Variants in IL1RAPL1 observed in about 807,000 individuals in gnomAD.
The protein encoded by IL1RAPL1 is interleukin-1 receptor accessory protein-like 1.
Under a neutral mutation model 48.4 loss-of-function variants are expected in IL1RAPL1, and 3 were observed. That is an observed-to-expected ratio of 0.06 (90% confidence interval 0.03 to 0.16). IL1RAPL1 has a LOEUF of 0.16. Ranked by LOEUF, IL1RAPL1 falls within the 10% of genes least tolerant of loss-of-function variation. IL1RAPL1 has a pLI of 1.00. For synonymous variants in IL1RAPL1, 185 were observed against 187.7 expected (o/e 0.99, Z 0.12); for missense variants, 349 against 530.6 (o/e 0.66, Z 3.36).
At chrX:29,382,772 T>C (rs1017000177) in intron 3 of IL1RAPL1, among the ~76,000 whole-genome samples, 1 of 111,718 alleles carries the variant, frequency 9.0e-6, no homozygotes, top group African/African-American at 3.3e-5. Flanking sequence ...CTGCAGCTCT[T>C]TCAGGCAATA....
intron 6 of IL1RAPL1, among the ~76,000 whole-genome samples, chrX:29,685,847 T>G (rs1487665232): frequency 6.4e-5 from 6 of 93,750 alleles, no homozygotes; most frequent in African/African-American, 3.3e-4. Context: ...TAGTCAGGCA[T>G]GGTGGTGGGT....
chrX:29,001,575 C>T (rs760437969), intron 2 of IL1RAPL1, among the ~76,000 whole-genome samples: 4 of 112,168 alleles, frequency 3.6e-5, no homozygotes, highest in Non-Finnish European at 5.6e-5. Context: ...CTGGTAGATA[C>T]ATTCATTTTT....
At chrX:29,360,024 G>C (rs1933355732) in intron 3 of IL1RAPL1, among the ~76,000 whole-genome samples, 1 of 111,557 alleles carries the variant, frequency 9.0e-6, no homozygotes, top group Non-Finnish European at 1.9e-5. Context: ...ATATATGAGG[G>C]GGTGGGGAGC....
chrX:28,791,844 G>A (rs1395115093), intron 2 of IL1RAPL1, among the ~76,000 whole-genome samples: 1 of 111,572 alleles, frequency 9.0e-6, no homozygotes, highest in African/African-American at 3.3e-5. Flanking sequence ...TTCAGCTGAT[G>A]TCTGTTCCTG....
chrX:29,217,378 G>A (rs1374903811), intron 2 of IL1RAPL1, among the ~76,000 whole-genome samples: 2 of 112,433 alleles, frequency 1.8e-5, no homozygotes, highest in African/African-American at 6.5e-5. Flanking sequence ...GCCAGGTAGT[G>A]TGTTCCATGC....
At chrX:29,574,750 C>T (rs1386711813) in intron 5 of IL1RAPL1, among the ~76,000 whole-genome samples, 1 of 111,660 alleles carries the variant, frequency 9.0e-6, no homozygotes, top group African/African-American at 3.3e-5. Context: ...GTTCCAGTTT[C>T]AGATCATCCC....
intron 1 of IL1RAPL1, among the ~76,000 whole-genome samples, chrX:28,772,972 A>T (rs981679448): frequency 5.4e-5 from 6 of 111,869 alleles, no homozygotes; most frequent in African/African-American, 2.0e-4. Context: ...TTAATTAAAT[A>T]AATCATATTA....
chrX:29,853,467 C>G (rs150659885), intron 6 of IL1RAPL1, among the ~76,000 whole-genome samples: 3,240 of 111,208 alleles, frequency 0.029, 117 homozygotes, highest in African/African-American at 0.099. Flanking sequence ...CATAAAAAAA[C>G]AAAATCTAAG....
rs570835255 is a variant in IL1RAPL1, at chrX:29,697,682, T to G, written c.778+29178T>G. Among the ~76,000 whole-genome samples the G allele has an allele frequency of 3.7e-4, 42 of 112,640 alleles. 1 individual carries two copies. In the South Asian group the frequency reaches 0.015, roughly 40 times the overall value. On this transcript the variant is annotated intron_variant, in intron 6 of 10. Coordinates refer to ENST00000378993, the MANE Select transcript of IL1RAPL1 (RefSeq NM_014271.4). ...TCCTTACAGTTATCAAGTCTGGAAC[T>G]GGTGGAGCAGTATGCATCTCTGACC... is the stretch of plus-strand genomic sequence containing the variant.
chrX:29,090,283 C>T lies in IL1RAPL1; in HGVS notation c.83-192655C>T, dbSNP rs192553132. Among the ~76,000 whole-genome samples, 763 of 111,648 alleles carry T rather than the reference C, an allele frequency of 6.8e-3. 4 individuals carry two copies. Among genetic ancestry groups the T allele is most frequent in the South Asian group, 0.016 (43 of 2,690 alleles). ...CAGATATGTTTTTAAATTTTCCGTA[C>T]GTTTCCTTTTATTTGCCTACTCCCC... On this transcript the variant is annotated intron_variant, in intron 2 of 10. Transcript: ENST00000378993.
chrX:29,228,838 C>T (rs753991501), intron 2 of IL1RAPL1, among the ~76,000 whole-genome samples: 105 of 111,670 alleles, frequency 9.4e-4, no homozygotes, highest in Middle Eastern at 4.7e-3. Context: ...CACTATCATC[C>T]GTATTCCCTA....
chrX:28,737,190 TC>T (rs1404346851), intron 1 of IL1RAPL1, among the ~76,000 whole-genome samples: 1 of 91,690 alleles, frequency 1.1e-5, no homozygotes, highest in East Asian at 3.6e-4. Context: ...TTCTTTCCTT[TC>T]TCTTTCTTTC....
chrX:29,216,952 G>A (rs888623365), intron 2 of IL1RAPL1, among the ~76,000 whole-genome samples: 1 of 111,631 alleles, frequency 9.0e-6, no homozygotes, highest in African/African-American at 3.3e-5. Context: ...ACAGGGCCAA[G>A]GTCTCACCAT....
intron 6 of IL1RAPL1, among the ~76,000 whole-genome samples, chrX:29,796,915 T>G (rs1011355120): frequency 1.8e-5 from 2 of 112,387 alleles, no homozygotes; most frequent in Admixed American, 9.4e-5. Flanking sequence ...AGCTTTGCAC[T>G]CACTGTTGCC....
chrX:29,450,102 A>G, intron 5 of IL1RAPL1, among the ~76,000 whole-genome samples: 2 of 112,044 alleles, frequency 1.8e-5, no homozygotes, highest in Admixed American at 1.9e-4. Flanking sequence ...GGAAAGGAAA[A>G]TTTCAAATGT....
At chrX:29,605,110 ACACACACACACAC>A (rs1923848763) in intron 5 of IL1RAPL1, among the ~76,000 whole-genome samples, 1 of 102,414 alleles carries the variant, frequency 9.8e-6, no homozygotes, top group Admixed American at 1.1e-4. Context: ...ACACACACAC[ACACACACACACAC>A]ACACGGAGGG....
intron 2 of IL1RAPL1, among the ~76,000 whole-genome samples, chrX:29,259,659 A>G (rs980842211): frequency 9.0e-6 from 1 of 111,074 alleles, no homozygotes; most frequent in African/African-American, 3.3e-5. Context: ...TTGTATTACT[A>G]CTAGAAATTC....
intron 2 of IL1RAPL1, among the ~76,000 whole-genome samples, chrX:29,259,254 A>C (rs2147581707): frequency 8.9e-6 from 1 of 111,981 alleles, no homozygotes. Context: ...TTTTAAAATT[A>C]TTTTTACTTT....
In IL1RAPL1 at chrX:28,654,730, G is replaced by A. The variant is rs1934731039; in HGVS notation, c.-25+66683G>A. Among the ~76,000 whole-genome samples the A allele has an allele frequency of 2.7e-5, 3 of 111,791 alleles. No homozygotes were observed. The South Asian group carries it at 1.1e-3, about 41-fold the overall frequency. The stretch of plus-strand genomic sequence containing the variant: ...TATGTGTCAGACATCATTGATGTTT[G>A]CCATATTTAGATGTCACAAGGACCC... On this transcript the variant is annotated intron_variant, in intron 1 of 10. Coordinates refer to ENST00000378993, the MANE Select transcript of IL1RAPL1 (RefSeq NM_014271.4).
Sources: gnomAD v4.1 joint callset for allele counts (sites outside exome capture counted in the v4.1 genomes callset) on GRCh38, gnomAD v4.1.1 for gene constraint, MANE v1.5 for transcripts, NCBI Gene and HGNC (gene_info 2026-07-23, HGNC 2026-07-21) for gene names.